The following PRKN variants were observed in gnomAD, a reference collection of about 807,000 sequenced individuals.
PRKN encodes parkin RBR E3 ubiquitin protein ligase.
Under a neutral mutation model 59.5 loss-of-function variants are expected in PRKN, and 56 were observed. The ratio of observed to expected loss-of-function variants is 0.94; its 90% confidence interval spans 0.76 to 1.18. The LOEUF is 1.18. Ranked by LOEUF, PRKN falls within the 50% of genes most tolerant of loss-of-function variation. The probability of loss-of-function intolerance (pLI) is 0.00; values close to 1 mark genes in which losing one functional copy is unlikely to be tolerated. For missense variants in PRKN, 657 were observed against 596.4 expected, an observed-to-expected ratio of 1.10 and a Z score of -1.06; for synonymous variants, 250 against 222.1, an observed-to-expected ratio of 1.13 and a Z score of -1.12.
At chr6:162,264,178 G>A (rs1373508238) in intron 2 of PRKN, among the ~76,000 whole-genome samples, 4 of 152,272 alleles carry the variant, frequency 2.6e-5, no homozygotes, top group African/African-American at 4.8e-5. Flanking sequence ...TTGGGAGGCT[G>A]AAACAAGATA....
At chr6:161,520,226 A>ATTTTT (rs56073676) in intron 9 of PRKN, among the ~76,000 whole-genome samples, 28,121 of 131,112 alleles carry the variant, frequency 0.21, 4,219 homozygotes, top group East Asian at 0.42. Context: ...CTCTCTATGC[A>ATTTTT]TTTTTTTTTT....
At position 161,413,166 on chromosome 6, in the gene PRKN, A is replaced by G. The variant is rs1787668087; in HGVS notation, c.1084-26289T>C. ...TACGTGGAAGTCTGAGGGGCGGAGGAATGTGCATTTAGGGTCGTGGGACCC... is the reference window on the plus strand; with the variant it reads ...TACGTGGAAGTCTGAGGGGCGGAGGGATGTGCATTTAGGGTCGTGGGACCC... On this transcript the variant is annotated intron_variant, in intron 9 of 11. Coordinates refer to ENST00000366898, the MANE Select transcript of PRKN (RefSeq NM_004562.3). This position sits in a 1 kb window ranked among gnomAD's most constrained non-coding sequence, Gnocchi z 4.4. Among the ~76,000 whole-genome samples the G allele has an allele frequency of 6.6e-6, 1 of 152,084 alleles. No individual in the cohort carries two copies. The highest frequency in any genetic ancestry group is 1.5e-5 in the Non-Finnish European group (1 of 68,024).
At chr6:162,293,927 C>A (rs1411049888) in intron 2 of PRKN, among the ~76,000 whole-genome samples, 1 of 152,124 alleles carries the variant, frequency 6.6e-6, no homozygotes, top group East Asian at 1.9e-4. Context: ...ATCCGTCCGC[C>A]TCGGCCTCCG....
intron 3 of PRKN, among the ~76,000 whole-genome samples, chr6:162,225,229 G>GT (rs1267152360): frequency 6.6e-6 from 1 of 152,066 alleles, no homozygotes; most frequent in Non-Finnish European, 1.5e-5. Context: ...TCCCTCAAAA[G>GT]TAAGAACCCA....
At chr6:162,671,516 GAGTCAA>G (rs1372856343) in intron 1 of PRKN, among the ~76,000 whole-genome samples, 2 of 135,640 alleles carry the variant, frequency 1.5e-5, no homozygotes, top group African/African-American at 5.5e-5. Context: ...AAAAAAAAAA[GAGTCAA>G]AGTCATTTTG....
At chr6:162,583,597 T>C (rs554336629) in intron 1 of PRKN, among the ~76,000 whole-genome samples, 1 of 152,204 alleles carries the variant, frequency 6.6e-6, no homozygotes, top group Non-Finnish European at 1.5e-5. Context: ...GATTGATGTG[T>C]TGATTTAGCA....
intron 6 of PRKN, among the ~76,000 whole-genome samples, chr6:161,971,607 A>G (rs775109884): frequency 2.0e-5 from 3 of 152,188 alleles, no homozygotes; most frequent in Non-Finnish European, 2.9e-5. Context: ...GCTATATTTT[A>G]AAGGCAATGT....
chr6:162,621,942 G>A (rs905524431), intron 1 of PRKN, among the ~76,000 whole-genome samples: 3 of 152,084 alleles, frequency 2.0e-5, no homozygotes, highest in African/African-American at 7.2e-5. Flanking sequence ...AGCCTTCCAA[G>A]GAGCTGGGAC....
chr6:162,313,997 AAG>A (rs2128119021), intron 2 of PRKN, among the ~76,000 whole-genome samples: 1 of 152,322 alleles, frequency 6.6e-6, no homozygotes, highest in South Asian at 2.1e-4. Flanking sequence ...AACTGACAAA[AAG>A]AGAAGTACAC....
At chr6:162,167,199 A>G (rs1026882553) in intron 4 of PRKN, among the ~76,000 whole-genome samples, 1 of 152,222 alleles carries the variant, frequency 6.6e-6, no homozygotes, top group African/African-American at 2.4e-5. Flanking sequence ...ATAATTGAAT[A>G]TATAAAATGA....
rs933987604 is a variant in PRKN at position 161,397,803 on chromosome 6, C to T, written c.1084-10926G>A. ...AGAATGGAGAGGTCAATCCTGAGTA[C>T]AAGAGGAATAACTAAGACTTTCTGC... On this transcript the variant is annotated intron_variant, in intron 9 of 11. Transcript: ENST00000366898. This position sits in a 1 kb window ranked among gnomAD's most constrained non-coding sequence, Gnocchi z 4.2. Among the ~76,000 whole-genome samples, 3 of 152,118 alleles carry T rather than the reference C, an allele frequency of 2.0e-5. No homozygotes were observed. The highest frequency in any genetic ancestry group is 2.9e-5 in the Non-Finnish European group (2 of 68,038).
At chr6:161,770,526 G>A (rs1333373019) in intron 7 of PRKN, among the ~76,000 whole-genome samples, 2 of 152,004 alleles carry the variant, frequency 1.3e-5, no homozygotes, top group Non-Finnish European at 2.9e-5. Flanking sequence ...GGAGTGCAAT[G>A]GTGCCGTCTC....
chr6:161,545,192 C>T lies in PRKN; in HGVS notation c.1083+3662G>A. The T allele has an allele frequency of 2.9e-6, 4 of 1,367,540 alleles. No homozygotes were observed. Among genetic ancestry groups the T allele is most frequent in the Non-Finnish European group, 2.8e-6 (3 of 1,062,534 alleles). The allele number at this position is 1,367,540 out of a possible 1,614,324, so 84.7% of individuals were successfully genotyped here. On this transcript the variant is annotated intron_variant, in intron 9 of 11. Coordinates refer to ENST00000366898, the MANE Select transcript of PRKN (RefSeq NM_004562.3). The surrounding 1 kb of genome is among the most constrained non-coding windows in gnomAD (Gnocchi z 4.1). The stretch of plus-strand genomic sequence containing the variant: ...GCATACCCACATGGTAAGAGTTGTA[C>T]TTTTTCTATCTTGATAATTGAGGGA...
chr6:161,379,012 G>A lies in PRKN; in HGVS notation c.1167+7782C>T, dbSNP rs764352076. On this transcript the variant is annotated intron_variant, in intron 10 of 11. Transcript: ENST00000366898. This position sits in a 1 kb window ranked among gnomAD's most constrained non-coding sequence, Gnocchi z 4.9. Reference sequence around the variant, plus strand: ...ACAGCAAGAGTTCTGGTCACTTTATGTTGCATTGCCAAGGGATTAGCAGGC... The same window carrying A: ...ACAGCAAGAGTTCTGGTCACTTTATATTGCATTGCCAAGGGATTAGCAGGC... Among the ~76,000 whole-genome samples, 1 of 152,160 alleles carries A rather than the reference G, an allele frequency of 6.6e-6. No homozygotes were observed.
intron 6 of PRKN, among the ~76,000 whole-genome samples, chr6:161,902,424 T>G (rs1777951726): frequency 6.6e-6 from 1 of 152,276 alleles, no homozygotes; most frequent in Admixed American, 6.5e-5. Flanking sequence ...ACGGTCTAAA[T>G]ATTTCATATG....
chr6:162,502,177 T>C (rs1355048775), intron 1 of PRKN, among the ~76,000 whole-genome samples: 1 of 152,152 alleles, frequency 6.6e-6, no homozygotes, highest in Non-Finnish European at 1.5e-5. Flanking sequence ...GCCCCTCTTT[T>C]TTGAGACAAG....
chr6:161,406,112 A>G (rs1787260415), intron 9 of PRKN, among the ~76,000 whole-genome samples: 1 of 151,840 alleles, frequency 6.6e-6, no homozygotes, highest in East Asian at 1.9e-4. Context: ...ATACGTATAT[A>G]TATACACATA....
At chr6:162,344,141 T>G (rs981943133) in intron 2 of PRKN, among the ~76,000 whole-genome samples, 1 of 152,292 alleles carries the variant, frequency 6.6e-6, no homozygotes, top group Admixed American at 6.5e-5. Flanking sequence ...CAAACTGCAG[T>G]GTATAAACGT....
chr6:162,717,952 G>A (rs574872447), intron 1 of PRKN, among the ~76,000 whole-genome samples: 18 of 152,240 alleles, frequency 1.2e-4, no homozygotes, highest in Middle Eastern at 3.4e-3. Flanking sequence ...TACGCTTAAC[G>A]CTGAAGATCT....
Sources: allele counts gnomAD v4.1 joint callset (sites outside exome capture counted in the v4.1 genomes callset), GRCh38; gene constraint gnomAD v4.1.1; non-coding constraint Gnocchi (gnomAD v3.1); transcripts MANE v1.5; gene names NCBI Gene and HGNC (gene_info 2026-07-23, HGNC 2026-07-21).